TMEM67: variants seen among roughly 807,000 people sequenced by gnomAD.
TMEM67 encodes the protein transmembrane protein 67.
A neutral mutation model predicts 136.6 loss-of-function variants in TMEM67; 124 were observed. The ratio of observed to expected loss-of-function variants is 0.91; its 90% CI spans 0.78 to 1.05. The LOEUF (loss-of-function observed/expected upper bound fraction) is 1.05, where lower values mean the gene tolerates loss of function less well. Among genes scored for constraint, TMEM67 ranks in the 50% least tolerant of loss-of-function variants. The pLI, the probability that TMEM67 is intolerant of heterozygous loss-of-function variation, is 0.00. For missense variants in TMEM67, 1,107 were observed against 1,178.4 expected, an observed-to-expected ratio of 0.94 and a Z score of 0.89; for synonymous variants, 364 against 390.5, an observed-to-expected ratio of 0.93 and a Z score of 0.80.
chr8:93,782,472 C>T lies in TMEM67; in HGVS notation c.1131+12C>T, dbSNP rs755150914. On this transcript the variant is annotated intron_variant, in intron 11 of 27. Coordinates refer to ENST00000453321, the MANE Select transcript of TMEM67 (RefSeq NM_153704.6). ...CCTACCAACAAAATGTAAGTTTGAA[C>T]GATATTAGTCTATATTTTAGCTTTA... 2.3e-5 allele frequency: 37 copies of T among 1,593,390 alleles called. No homozygotes were observed. The highest frequency in any genetic ancestry group is 1.1e-4 in the African/African-American group (8 of 74,210).
chr8:93,767,139 C>G (rs1360368706), intron 6 of TMEM67, among the ~76,000 whole-genome samples: 1 of 152,150 alleles, frequency 6.6e-6, no homozygotes, highest in Non-Finnish European at 1.5e-5. Context: ...TCCTGTCTTT[C>G]ATGAATGCAA....
chr8:93,788,029 C>A, intron 14 of TMEM67, 80 bp downstream of exon 14: 14 of 1,032,190 alleles, frequency 1.4e-5, no homozygotes, highest in Non-Finnish European at 1.6e-5. Context: ...GGTCAAAAGA[C>A]AGTCTTTTTT....
chr8:93,796,134 A>G (rs935302897), intron 18 of TMEM67, 147 bp downstream of exon 18: 14 of 658,354 alleles, frequency 2.1e-5, no homozygotes, highest in Middle Eastern at 2.6e-4. Context: ...TGGTAAATTT[A>G]CTTTTATTTA....
intron 23 of TMEM67, among the ~76,000 whole-genome samples, chr8:93,805,290 G>T (rs1246922274): frequency 6.6e-6 from 1 of 151,646 alleles, no homozygotes; most frequent in Non-Finnish European, 1.5e-5. Flanking sequence ...CACTTTGATA[G>T]TTGCTAAGGA....
chr8:93,814,038 A>T (rs1407449069), intron 26 of TMEM67, among the ~76,000 whole-genome samples: 1 of 152,174 alleles, frequency 6.6e-6, no homozygotes, highest in South Asian at 2.1e-4. Context: ...CTCTTGTATA[A>T]AGCAGATGTT....
intron 26 of TMEM67, 55 bp from the exon 27 acceptor site, chr8:93,815,250 C>A (rs1458358643): frequency 7.0e-6 from 9 of 1,287,092 alleles, no homozygotes; most frequent in Non-Finnish European, 9.6e-6. Context: ...AAGTTTATCA[C>A]AGACTTGTTC....
chr8:93,786,691 T>C (rs1366121153), intron 13 of TMEM67, among the ~76,000 whole-genome samples: 4 of 152,194 alleles, frequency 2.6e-5, no homozygotes, highest in Non-Finnish European at 5.9e-5. Context: ...TCCCCTGTCC[T>C]CATTTCTTTC....
At chr8:93,780,319 G>T (rs866186016) in intron 7 of TMEM67, among the ~76,000 whole-genome samples, 1 of 152,096 alleles carries the variant, frequency 6.6e-6, no homozygotes, top group Admixed American at 6.5e-5. Flanking sequence ...AACCCCTTGC[G>T]CTTCCTGGGT....
intron 14 of TMEM67, among the ~76,000 whole-genome samples, chr8:93,789,397 G>A (rs1047127801): frequency 2.0e-5 from 3 of 152,066 alleles, no homozygotes; most frequent in African/African-American, 7.2e-5. Context: ...AGACTGCCTG[G>A]TTTAAAACTT....
At chr8:93,800,639 A>G (rs1192157442) in intron 21 of TMEM67, among the ~76,000 whole-genome samples, 1 of 152,192 alleles carries the variant, frequency 6.6e-6, no homozygotes, top group Non-Finnish European at 1.5e-5. Flanking sequence ...GGCTAAAAAA[A>G]TTGCCTGAAG....
At chr8:93,824,904 C>T in the TMEM67 span, among the ~76,000 whole-genome samples, 13 of 152,064 alleles carry the variant, frequency 8.5e-5, no homozygotes, top group African/African-American at 2.7e-4. Flanking sequence ...TTAGTAGAGA[C>T]GGGGTTTTAC....
At chr8:93,782,067 C>A (rs1419564553) in intron 10 of TMEM67, among the ~76,000 whole-genome samples, 1 of 152,156 alleles carries the variant, frequency 6.6e-6, no homozygotes, top group African/African-American at 2.4e-5. Flanking sequence ...GCGACTGCCA[C>A]CACGTCCAGC....
intron 3 of TMEM67, chr8:93,758,810 C>T (rs960885070): frequency 2.1e-6 from 1 of 478,228 alleles, no homozygotes; most frequent in African/African-American, 2.0e-5. Context: ...TGTTGCTCAG[C>T]CTGGTCTTGA....
chr8:93,782,273 A>G lies in TMEM67; in HGVS notation c.1066-122A>G, dbSNP rs1012646276. The G allele has an allele frequency of 5.9e-5, 44 of 751,638 alleles. No individual in the cohort carries two copies. In the East Asian group the frequency reaches 6.9e-4, roughly 12 times the overall value. The allele number at this position is 751,638 out of a possible 1,614,324, so 46.6% of individuals were successfully genotyped here. A position where few individuals can be genotyped will look rare whatever the true frequency, so the allele number is the denominator to read the frequency against. Reference sequence around the variant, plus strand: ...ATAACAGATGTTCCCTTAACTTTTCATATCCTTGATACATTAAATAAGTAT... The same window carrying G: ...ATAACAGATGTTCCCTTAACTTTTCGTATCCTTGATACATTAAATAAGTAT... On this transcript the variant is annotated intron_variant, in intron 10 of 27. Transcript: ENST00000453321.
chr8:93,816,684 TGACA>T lies in TMEM67; in HGVS notation c.*234_*237del, dbSNP rs1327535404. On this transcript the variant is annotated 3_prime_UTR_variant, in exon 28 of 28. Coordinates refer to ENST00000453321, the MANE Select transcript of TMEM67 (RefSeq NM_153704.6). ...AATGCAGTAAATAATAAATTAATACTGACAGTGAGGCCAAAAAAAATCTAAATGT... is the reference window on the plus strand; with the variant it reads ...AATGCAGTAAATAATAAATTAATACTGTGAGGCCAAAAAAAATCTAAATGT... The T allele has an allele frequency of 3.3e-6, 1 of 300,364 alleles. No homozygotes were observed. Among genetic ancestry groups the T allele is most frequent in the African/African-American group, 2.2e-5 (1 of 46,508 alleles). The allele number at this position is 300,364 out of a possible 1,614,324, so 18.6% of individuals were successfully genotyped here.
intron 16 of TMEM67, among the ~76,000 whole-genome samples, chr8:93,793,930 G>A (rs893417022): frequency 4.0e-5 from 6 of 151,666 alleles, no homozygotes; most frequent in Admixed American, 2.0e-4. Context: ...TCACTCTGTC[G>A]CTGAGGCTGG....
At chr8:93,806,199 C>T (rs1418095756) in intron 23 of TMEM67, among the ~76,000 whole-genome samples, 1 of 152,070 alleles carries the variant, frequency 6.6e-6, no homozygotes, top group Admixed American at 6.6e-5. Flanking sequence ...CGAACTATTA[C>T]ATTATAAGAA....
chr8:93,784,364 G>A (rs1813999327), intron 11 of TMEM67, among the ~76,000 whole-genome samples: 1 of 152,154 alleles, frequency 6.6e-6, no homozygotes, highest in South Asian at 2.1e-4. Context: ...TCACAGATGA[G>A]GAAATTATGC....
chr8:93,810,266 G>A (rs1233048635), intron 26 of TMEM67, among the ~76,000 whole-genome samples: 1 of 146,446 alleles, frequency 6.8e-6, no homozygotes, highest in Admixed American at 6.8e-5. Context: ...ACCACCCCCA[G>A]CTGATATTTT....
Sources: gnomAD v4.1 joint callset for allele counts (sites outside exome capture counted in the v4.1 genomes callset) on GRCh38, gnomAD v4.1.1 for gene constraint, MANE v1.5 for transcripts, NCBI Gene and HGNC (gene_info 2026-07-23, HGNC 2026-07-21) for gene names.